Variants in SYNE1 observed in about 807,000 individuals in gnomAD.
SYNE1 encodes nesprin-1.
SYNE1 carries 616 observed loss-of-function variants against 1,111.0 expected under a neutral mutation model. The ratio of observed to expected loss-of-function variants is 0.55; its 90% CI spans 0.52 to 0.59. The LOEUF is 0.59. Ranked by LOEUF, SYNE1 falls within the 20% of genes least tolerant of loss-of-function variation. SYNE1 has a pLI of 0.00. For missense variants in SYNE1, 10,006 were observed against 10,417.0 expected (o/e 0.96, Z 1.72); for synonymous variants, 3,855 against 3,825.8 (o/e 1.01, Z -0.28).
chr6:152,625,063 A>G (rs2099683195), intron 3 of SYNE1, among the ~76,000 whole-genome samples: 1 of 152,228 alleles, frequency 6.6e-6, no homozygotes, highest in African/African-American at 2.4e-5. Flanking sequence ...GGATTCTAGG[A>G]GAATGTTCTT....
In SYNE1 at chr6:152,289,399, TTTTG is replaced by T. The variant is rs144029444; in HGVS notation, c.18012+4185_18012+4188del. Among the ~76,000 whole-genome samples, 692 of 152,138 alleles carry T rather than the reference TTTTG, an allele frequency of 4.5e-3. 10 individuals carry two copies. The highest frequency in any genetic ancestry group is 0.016 in the African/African-American group (659 of 41,492). On this transcript the variant is annotated intron_variant, in intron 95 of 145. Transcript: ENST00000367255. Reference sequence around the variant, plus strand: ...CAGAACTGTCTACATGAACACAAGTTTTTGTTTGTTTGTTTGTTTTAGGGGGATG... The same window carrying T: ...CAGAACTGTCTACATGAACACAAGTTTTTGTTTGTTTGTTTTAGGGGGATG...
intron 87 of SYNE1, chr6:152,316,514 G>A (rs1374167616): frequency 1.2e-5 from 4 of 342,702 alleles, no homozygotes; most frequent in Non-Finnish European, 2.2e-5. Flanking sequence ...ACACTTCATT[G>A]CATCTCTTCA....
chr6:152,536,614 C>A (rs1280560606), intron 4 of SYNE1, among the ~76,000 whole-genome samples: 1 of 151,204 alleles, frequency 6.6e-6, no homozygotes, highest in Non-Finnish European at 1.5e-5. Context: ...ATGGGTTCAC[C>A]TTTACCAACT....
intron 130 of SYNE1, chr6:152,167,904 G>C (rs747863365): frequency 5.3e-6 from 4 of 756,448 alleles, no homozygotes; most frequent in Non-Finnish European, 9.9e-6. Context: ...TAACCTTTTT[G>C]TCCAGCTCTG....
chr6:152,506,080 G>A (rs368706404), intron 8 of SYNE1, among the ~76,000 whole-genome samples: 168 of 152,324 alleles, frequency 1.1e-3, no homozygotes, highest in African/African-American at 3.8e-3. Context: ...GGGCAAAGCC[G>A]TGGTGGTAAA....
Position 152,441,325 on chromosome 6 carries a change from A to G in SYNE1, c.4009-55T>C, listed in dbSNP as rs2273107. 8.9e-5 allele frequency: 138 copies of G among 1,552,484 alleles called. No individual in the cohort carries two copies. In the East Asian group the frequency reaches 2.3e-3, roughly 26 times the overall value. On this transcript the variant is annotated intron_variant, in intron 31 of 145. Transcript: ENST00000367255. ...GTTACAAATGTCACACAATACTATC[A>G]TATTTTCATTCGTTTGCAAAACTGT...
rs769412822 is a variant in SYNE1 at position 152,321,902 on chromosome 6, A to C, written c.15918-16T>G. 6.2e-7 allele frequency: 1 copy of C among 1,614,080 alleles called. No individual in the cohort carries two copies. The highest frequency in any genetic ancestry group is 8.5e-7 in the Non-Finnish European group (1 of 1,179,964). On this transcript the variant is annotated splice_polypyrimidine_tract_variant and intron_variant, in intron 82 of 145. Coordinates refer to ENST00000367255, the MANE Select transcript of SYNE1 (RefSeq NM_182961.4). The stretch of plus-strand genomic sequence containing the variant: ...CTCCTGCATGCTTCAGAAACATTAC[A>C]GGGATAAAACAGAAGTGAAGTGAAA...
In SYNE1 at chr6:152,581,130, C is replaced by A. The variant is rs528058163; in HGVS notation, c.68-41109G>T. Reference sequence around the variant, plus strand: ...CAGGAACTACTGATGTGTGCAAAGACCTGCTTCCCTGAGAATGCCCTCAAC... The same window carrying A: ...CAGGAACTACTGATGTGTGCAAAGAACTGCTTCCCTGAGAATGCCCTCAAC... On this transcript the variant is annotated intron_variant, in intron 3 of 145. Coordinates refer to ENST00000367255, the MANE Select transcript of SYNE1 (RefSeq NM_182961.4). Among the ~76,000 whole-genome samples the A allele has an allele frequency of 3.9e-5, 6 of 152,308 alleles. No individual in the cohort carries two copies. In the South Asian group the frequency reaches 1.2e-3, roughly 32 times the overall value.
intron 36 of SYNE1, among the ~76,000 whole-genome samples, chr6:152,429,526 G>T (rs543465127): frequency 1.3e-5 from 2 of 151,976 alleles, no homozygotes; most frequent in African/African-American, 4.8e-5. Context: ...ATAAATGTTC[G>T]TGCACACATG....
At chr6:152,452,798 A>G (rs966712799) in intron 25 of SYNE1, among the ~76,000 whole-genome samples, 1 of 152,186 alleles carries the variant, frequency 6.6e-6, no homozygotes, top group Admixed American at 6.5e-5. Flanking sequence ...CTCATCTCCC[A>G]TGGTTCTTCC....
intron 129 of SYNE1, among the ~76,000 whole-genome samples, chr6:152,178,191 C>T (rs980435928): frequency 3.3e-5 from 5 of 151,878 alleles, no homozygotes; most frequent in African/African-American, 1.2e-4. Flanking sequence ...ATAGATTGTT[C>T]AAGAGATGGT....
At chr6:152,419,458 G>T in intron 40 of SYNE1, 111 bp downstream of exon 40, 1 of 1,145,468 alleles carries the variant, frequency 8.7e-7, no homozygotes, top group Non-Finnish European at 1.2e-6. Flanking sequence ...TAAATAAAAA[G>T]TTAAATTCTC....
rs9383999 is a variant in SYNE1, at chr6:152,490,017, T to C, written c.940-1514A>G. On this transcript the variant is annotated intron_variant, in intron 11 of 145. Transcript: ENST00000367255. ...CGCTAATATTCACCCAAATGCATTA[T>C]ATAAAGTCAGCCCTCTGTTTTCTTA... Among the ~76,000 whole-genome samples, 544 of 152,292 alleles carry C rather than the reference T, an allele frequency of 3.6e-3. 7 individuals are homozygous for C. In the East Asian group the frequency reaches 0.054, roughly 15 times the overall value.
At chr6:152,617,557 C>T (rs905550216) in intron 3 of SYNE1, among the ~76,000 whole-genome samples, 1 of 152,152 alleles carries the variant, frequency 6.6e-6, no homozygotes, top group African/African-American at 2.4e-5. Context: ...ATTGAATAAA[C>T]TAAGTGCCTA....
chr6:152,542,036 A>G (rs1267219685), intron 3 of SYNE1, among the ~76,000 whole-genome samples: 1 of 152,192 alleles, frequency 6.6e-6, no homozygotes, highest in Non-Finnish European at 1.5e-5. Context: ...CCCCACCAGC[A>G]TGTACTGAGT....
In SYNE1 at chr6:152,203,192, T is replaced by G. The variant is rs565533935; in HGVS notation, c.23020-1243A>C. On this transcript the variant is annotated intron_variant, in intron 126 of 145. Coordinates refer to ENST00000367255, the MANE Select transcript of SYNE1 (RefSeq NM_182961.4). ...ATAAGGGAAATTTCATTTTTTACTCTGTATAGTTAAATTATTACCTAATTT... is the reference window on the plus strand; with the variant it reads ...ATAAGGGAAATTTCATTTTTTACTCGGTATAGTTAAATTATTACCTAATTT... 3.7e-4 allele frequency among the ~76,000 whole-genome samples: 57 copies of G among 152,356 alleles called. No individual in the cohort carries two copies. In the South Asian group the frequency reaches 4.8e-3, roughly 13 times the overall value.
At chr6:152,458,270 C>T (rs1044597367) in intron 22 of SYNE1, among the ~76,000 whole-genome samples, 2 of 152,118 alleles carry the variant, frequency 1.3e-5, no homozygotes, top group Non-Finnish European at 2.9e-5. Context: ...GTTAGAGTGG[C>T]GGATTTGGCT....
At chr6:152,174,607 G>C (rs2065936932) in intron 130 of SYNE1, among the ~76,000 whole-genome samples, 1 of 152,172 alleles carries the variant, frequency 6.6e-6, no homozygotes, top group Non-Finnish European at 1.5e-5. Flanking sequence ...CCATTTAACT[G>C]TCTTCTCTCT....
intron 58 of SYNE1, among the ~76,000 whole-genome samples, chr6:152,375,225 G>C (rs1223791063): frequency 6.6e-6 from 1 of 152,184 alleles, no homozygotes; most frequent in Non-Finnish European, 1.5e-5. Context: ...TTATAGGTGT[G>C]AGCCGCCGCG....
Sources: gnomAD v4.1 joint callset for allele counts (sites outside exome capture counted in the v4.1 genomes callset) on GRCh38, gnomAD v4.1.1 for gene constraint, MANE v1.5 for transcripts, NCBI Gene and HGNC (gene_info 2026-07-23, HGNC 2026-07-21) for gene names.